The following KIF26B variants were observed in gnomAD, a reference collection of about 807,000 sequenced individuals.
KIF26B encodes kinesin family member 26B.
A neutral mutation model predicts 151.2 loss-of-function variants in KIF26B; 63 were observed. The observed-to-expected ratio is 0.42, with a 90% CI of 0.34 to 0.51. The LOEUF (loss-of-function observed/expected upper bound fraction) is 0.51. Ranked by LOEUF, KIF26B falls within the 20% of genes least tolerant of loss-of-function variation. The pLI, the probability that KIF26B is intolerant of heterozygous loss-of-function variation, is 0.07. For missense variants in KIF26B, 2,813 were observed against 2,913.6 expected (o/e 0.97, Z 0.79); for synonymous variants, 1,357 against 1,262.1 (o/e 1.08, Z -1.59).
At chr1:245,420,082 T>A (rs1658441912) in intron 4 of KIF26B, among the ~76,000 whole-genome samples, 1 of 152,180 alleles carries the variant, frequency 6.6e-6, no homozygotes, top group Admixed American at 6.6e-5. Context: ...GATGTGTAGC[T>A]CCAAAGATGC....
In KIF26B at chr1:245,156,545, C is replaced by A; in HGVS notation, c.327C>A (p.Gly109=). ...SLGGSPGFGT[G]SPGSGSGGGS... ...GCGGCTCTCCGGGCTTCGGCACAGG[C>A]TCCCCGGGCTCCGGCAGCGGCGGCG... The change falls in exon 2 of 15, where the codon GGC becomes GGA. Residue 109 remains glycine (G), a synonymous_variant. Transcript: ENST00000407071. 3 of 1,535,394 alleles carry A rather than the reference C, an allele frequency of 2.0e-6. No individual in the cohort carries two copies. The highest frequency in any genetic ancestry group is 2.5e-5 in the East Asian group (1 of 40,446).
chr1:245,227,007 A>C lies in KIF26B; in HGVS notation c.465+70324A>C, dbSNP rs926020704. Among the ~76,000 whole-genome samples the C allele has an allele frequency of 3.3e-5, 5 of 152,126 alleles. No homozygotes were observed. The highest frequency in any genetic ancestry group is 1.2e-4 in the African/African-American group (5 of 41,422). On this transcript the variant is annotated intron_variant, in intron 2 of 14. Coordinates refer to ENST00000407071, the MANE Select transcript of KIF26B (RefSeq NM_018012.4). This position sits in a 1 kb window ranked among gnomAD's most constrained non-coding sequence, Gnocchi z 4.1. ...CAGGCAGCATCTTTCAGATTCTTGA[A>C]AGACAGGCAGCTTGTTTCGAATGAC...
At chr1:245,448,506 G>A (rs1205551422) in intron 4 of KIF26B, among the ~76,000 whole-genome samples, 1 of 152,152 alleles carries the variant, frequency 6.6e-6, no homozygotes, top group African/African-American at 2.4e-5. Context: ...GACCATGCCC[G>A]GCTTGAATTC....
intron 4 of KIF26B, among the ~76,000 whole-genome samples, chr1:245,465,137 C>G (rs1756884): frequency 0.82 from 122,661 of 149,870 alleles, 50,521 homozygotes; most frequent in African/African-American, 0.9. Flanking sequence ...CGCCACCACA[C>G]CCGGCTAATT....
intron 2 of KIF26B, among the ~76,000 whole-genome samples, chr1:245,181,529 CA>C (rs5782326): frequency 0.73 from 107,199 of 146,444 alleles, 39,844 homozygotes; most frequent in East Asian, 0.88. Flanking sequence ...AAAAAAAAGC[CA>C]AAAAAAAAAA....
chr1:245,168,245 G>A (rs866389274), intron 2 of KIF26B, among the ~76,000 whole-genome samples: 3 of 152,304 alleles, frequency 2.0e-5, no homozygotes, highest in Middle Eastern at 3.4e-3. Flanking sequence ...TGCCATGTTT[G>A]TGGGACATCT....
intron 9 of KIF26B, among the ~76,000 whole-genome samples, chr1:245,638,319 G>A (rs777885125): frequency 5.3e-5 from 8 of 151,856 alleles, no homozygotes; most frequent in South Asian, 4.1e-4. Context: ...CACATTTTGC[G>A]TGTTTATTTT....
rs1351298715 is a variant in KIF26B at position 245,704,664 on chromosome 1, C to A, written c.*2058C>A. ...AAGTGTGTTGCCCTGGGAAGCAGGA[C>A]CTCCCTGAGCTCCTTAACCTTGACC... On this transcript the variant is annotated 3_prime_UTR_variant, in exon 15 of 15. Transcript: ENST00000407071. The A allele has an allele frequency of 6.6e-6, 1 of 152,360 alleles. No individual in the cohort carries two copies. Among genetic ancestry groups the A allele is most frequent in the South Asian group, 2.1e-4 (1 of 4,820 alleles). The allele number at this position is 152,360 out of a possible 1,614,324, so 9.4% of individuals were successfully genotyped here.
chr1:245,333,964 A>C (rs982669849), intron 2 of KIF26B, among the ~76,000 whole-genome samples: 7 of 151,438 alleles, frequency 4.6e-5, no homozygotes, highest in African/African-American at 1.7e-4. Context: ...GCACCACTGC[A>C]CTCCAGCCTG....
chr1:245,683,099 C>T (rs1395676438), intron 10 of KIF26B, among the ~76,000 whole-genome samples: 2 of 152,200 alleles, frequency 1.3e-5, no homozygotes, highest in African/African-American at 4.8e-5. Flanking sequence ...ACAGTCTTCC[C>T]TCCCTGAGGC....
chr1:245,555,074 C>T (rs922750079), intron 5 of KIF26B, among the ~76,000 whole-genome samples: 5 of 152,096 alleles, frequency 3.3e-5, no homozygotes, highest in African/African-American at 4.8e-5. Context: ...TTGCCTTTGC[C>T]GCAGAGGGAG....
intron 6 of KIF26B, among the ~76,000 whole-genome samples, chr1:245,604,373 T>C (rs568595567): frequency 1.1e-4 from 16 of 152,200 alleles, no homozygotes; most frequent in Non-Finnish European, 1.9e-4. Context: ...ACACAGCACA[T>C]GTTACAGGCT....
chr1:245,416,292 A>AAG lies in KIF26B; in HGVS notation c.1000-3286_1000-3285insGA, dbSNP rs1558157339. 1.0e-4 allele frequency among the ~76,000 whole-genome samples: 15 copies of AAG among 142,942 alleles called. 1 individual carries two copies. Among genetic ancestry groups the AAG allele is most frequent in the Non-Finnish European group, 1.2e-4 (8 of 66,250 alleles). The allele number at this position is 142,942 out of a possible 152,430, so 93.8% of individuals were successfully genotyped here. A position where few individuals can be genotyped will look rare whatever the true frequency, so the allele number is the denominator to read the frequency against. ...CGAAACTCTGTCTCAAAAAAAAAAA[A>AAG]AAAAAAAGAATCAAACAAAATAGAA... On this transcript the variant is annotated intron_variant, in intron 3 of 14. Transcript: ENST00000407071.
rs576135354 is a variant in KIF26B, at chr1:245,556,704, TTTG to T, written c.1350+15769_1350+15771del. The stretch of plus-strand genomic sequence containing the variant: ...GGCATGAGCCACTGCATCTGGTGTT[TTTG>T]TTGTTGTTGTTGTTTTGAGATGGAG... On this transcript the variant is annotated intron_variant, in intron 5 of 14. Transcript: ENST00000407071. 1.3e-4 allele frequency among the ~76,000 whole-genome samples: 20 copies of T among 150,728 alleles called. 1 individual carries two copies. In the South Asian group the frequency reaches 3.6e-3, roughly 27 times the overall value.
intron 2 of KIF26B, among the ~76,000 whole-genome samples, chr1:245,269,077 C>T (rs1670802403): frequency 6.6e-6 from 1 of 152,192 alleles, no homozygotes; most frequent in Non-Finnish European, 1.5e-5. Flanking sequence ...ACCCTTTCAA[C>T]TAATTTTAAA....
intron 2 of KIF26B, among the ~76,000 whole-genome samples, chr1:245,234,870 C>T (rs566637482): frequency 2.4e-4 from 36 of 152,286 alleles, no homozygotes; most frequent in Non-Finnish European, 4.1e-4. Flanking sequence ...ACTTGCCCTC[C>T]GCCAGCAGCA....
chr1:245,381,936 G>C (rs1473573865), intron 3 of KIF26B, among the ~76,000 whole-genome samples: 2 of 152,184 alleles, frequency 1.3e-5, no homozygotes, highest in African/African-American at 2.4e-5. Context: ...GTAGTATGCT[G>C]CTGTATGTAT....
rs1319548419 is a variant in KIF26B, at chr1:245,688,562, C to T, written c.5579C>T (p.Pro1860Leu). 6.4e-7 allele frequency: 1 copy of T among 1,551,798 alleles called. No individual in the cohort carries two copies. The change falls in exon 12 of 15, where the codon CCC (proline) becomes CTC (leucine). Residue 1860 changes from proline to leucine, a missense_variant. Pro to Leu is a moderately conservative substitution (Grantham distance 98). Transcript: ENST00000407071. ...AGCAAGATCACGCCCCCGCGGAGGCCCCACCGCTGCAGCAGCGGCCACGGC... is the reference window on the plus strand; with the variant it reads ...AGCAAGATCACGCCCCCGCGGAGGCTCCACCGCTGCAGCAGCGGCCACGGC... Reference protein sequence around the residue: ...PYSKITPPRRPHRCSSGHGSD... With the variant: ...PYSKITPPRRLHRCSSGHGSD...
intron 9 of KIF26B, among the ~76,000 whole-genome samples, chr1:245,630,818 G>A (rs1296943758): frequency 1.3e-5 from 2 of 151,962 alleles, no homozygotes; most frequent in East Asian, 1.9e-4. Flanking sequence ...TTTTTTCTAT[G>A]TTCTTCAATT....
Sources: gnomAD v4.1 joint callset for allele counts (sites outside exome capture counted in the v4.1 genomes callset) on GRCh38, gnomAD v4.1.1 for gene constraint, Gnocchi (gnomAD v3.1) non-coding constraint, MANE v1.5 for transcripts, NCBI Gene and HGNC (gene_info 2026-07-23, HGNC 2026-07-21) for gene names.